The following CSNK1G2 variants were observed in gnomAD, a reference collection of about 807,000 sequenced individuals.
The protein encoded by CSNK1G2 is casein kinase I isoform gamma-2.
Under a neutral mutation model 48.0 loss-of-function variants are expected in CSNK1G2, and 11 were observed. That is an observed-to-expected ratio of 0.23 (90% CI 0.14 to 0.38). The LOEUF (loss-of-function observed/expected upper bound fraction) is 0.38. CSNK1G2 is among the 10% of genes least tolerant of loss of function. The pLI is 1.00. For synonymous variants in CSNK1G2, 337 were observed against 254.1 expected (o/e 1.33, Z -3.10); for missense variants, 446 against 595.5 (o/e 0.75, Z 2.61).
At position 1,957,459 on chromosome 19, in the gene CSNK1G2, G is replaced by A. The variant is rs990061937; in HGVS notation, c.-265-12049G>A. On this transcript the variant is annotated intron_variant, in intron 1 of 11. Coordinates refer to ENST00000255641, the MANE Select transcript of CSNK1G2 (RefSeq NM_001319.7). The surrounding 1 kb of genome is among the most constrained non-coding windows in gnomAD (Gnocchi z 5.4). ...AGAAGGGGGCTGCCCCGAGCGGCTT[G>A]GGTGGCCGGGCCTGTGGGAGACCTT... Among the ~76,000 whole-genome samples, 1 of 152,244 alleles carries A rather than the reference G, an allele frequency of 6.6e-6. No individual in the cohort carries two copies. The highest frequency in any genetic ancestry group is 2.4e-5 in the African/African-American group (1 of 41,456).
Position 1,978,865 on chromosome 19 carries a change from C to T in CSNK1G2, c.454C>T (p.Arg152Cys), listed in dbSNP as rs772189864. The T allele has an allele frequency of 3.1e-6, 5 of 1,602,106 alleles. No homozygotes were observed. The East Asian group carries it at 6.7e-5, about 21-fold the overall frequency. The change falls in exon 6 of 12, where the codon CGC becomes TGC. Residue 152 changes from arginine to cysteine, a missense_variant. Coordinates refer to ENST00000255641, the MANE Select transcript of CSNK1G2 (RefSeq NM_001319.7). The surrounding 1 kb of genome is among the most constrained non-coding windows in gnomAD (Gnocchi z 7.3). Reference sequence around the variant, plus strand: ...CCGCCGTGCCCCCCTGCAGATCACGCGCATGGAGTATGTGCACACCAAGAG... The same window carrying T: ...CCGCCGTGCCCCCCTGCAGATCACGTGCATGGAGTATGTGCACACCAAGAG... ...VLMIAIQLIT[R>C]MEYVHTKSLI...
In CSNK1G2 at chr19:1,969,952, C is replaced by A; in HGVS notation, c.180C>A (p.Leu60=). 7.6e-7 allele frequency: 1 copy of A among 1,307,928 alleles called. No individual in the cohort carries two copies. Among genetic ancestry groups the A allele is most frequent in the Non-Finnish European group, 9.8e-7 (1 of 1,021,922 alleles). The allele number at this position is 1,307,928 out of a possible 1,614,324, so 81.0% of individuals were successfully genotyped here. Residue 60 remains leucine, a synonymous_variant, in exon 2 of 12, where the codon CTC becomes CTA. Transcript: ENST00000255641. ...KKIGCGNFGE[L]RLGKNLYTNE... ...TCGGCTGCGGCAACTTCGGGGAGCTCCGCCTAGGTGAGGCCCTGCTCGGTG... is the reference window on the plus strand; with the variant it reads ...TCGGCTGCGGCAACTTCGGGGAGCTACGCCTAGGTGAGGCCCTGCTCGGTG...
intron 1 of CSNK1G2, chr19:1,953,826 C>T (rs751163167): frequency 3.8e-6 from 2 of 527,460 alleles, no homozygotes; most frequent in South Asian, 1.4e-5. Context: ...CACCTGTGGC[C>T]CTCCTGTGTT....
intron 1 of CSNK1G2, among the ~76,000 whole-genome samples, chr19:1,967,061 C>T (rs2145564216): frequency 6.8e-6 from 1 of 147,504 alleles, no homozygotes; most frequent in South Asian, 2.1e-4. Flanking sequence ...TTTGATTAGA[C>T]ACAACGCTAC....
At chr19:1,965,153 C>T (rs1408611580) in intron 1 of CSNK1G2, among the ~76,000 whole-genome samples, 3 of 148,758 alleles carry the variant, frequency 2.0e-5, no homozygotes, top group Non-Finnish European at 4.5e-5. Flanking sequence ...CCCAGCACTT[C>T]GGGAGGCCAA....
chr19:1,978,826 G>T lies in CSNK1G2; in HGVS notation c.448-33G>T, dbSNP rs767651270. 3 of 1,592,140 alleles carry T rather than the reference G, an allele frequency of 1.9e-6. No individual in the cohort carries two copies. Among genetic ancestry groups the T allele is most frequent in the Non-Finnish European group, 2.6e-6 (3 of 1,172,010 alleles). ...GGAGGGGAGCGCGTGGGACGGGGAGGGGCCCGGCCGACACCGCCGTGCCCC... is the reference window on the plus strand; with the variant it reads ...GGAGGGGAGCGCGTGGGACGGGGAGTGGCCCGGCCGACACCGCCGTGCCCC... On this transcript the variant is annotated intron_variant, in intron 5 of 11. Coordinates refer to ENST00000255641, the MANE Select transcript of CSNK1G2 (RefSeq NM_001319.7). The surrounding 1 kb of genome is among the most constrained non-coding windows in gnomAD (Gnocchi z 7.3).
intron 1 of CSNK1G2, among the ~76,000 whole-genome samples, chr19:1,956,521 A>G (rs2015004915): frequency 6.6e-6 from 1 of 152,120 alleles, no homozygotes; most frequent in African/African-American, 2.4e-5. Flanking sequence ...TGTCTCAAAA[A>G]ACAAAAGACC....
chr19:1,955,545 G>GGGTGA (rs1334187714), intron 1 of CSNK1G2, among the ~76,000 whole-genome samples: 3 of 151,240 alleles, frequency 2.0e-5, no homozygotes, highest in Non-Finnish European at 2.9e-5. Flanking sequence ...GCGTGTGCCT[G>GGGTGA]GGCGAGGCTC....
rs1279610328 is a variant in CSNK1G2 at position 1,941,215 on chromosome 19, G to A, written c.-469G>A. On this transcript the variant is annotated 5_prime_UTR_variant, in exon 1 of 12. Transcript: ENST00000255641. Reference sequence around the variant, plus strand: ...GCGCGCGGGCCCCGGAGCGGGCGCGGCGGAGCGCGGCGAGCCCGGCGCCTC... The same window carrying A: ...GCGCGCGGGCCCCGGAGCGGGCGCGACGGAGCGCGGCGAGCCCGGCGCCTC... 6.8e-6 allele frequency: 1 copy of A among 146,116 alleles called. No homozygotes were observed. Among genetic ancestry groups the A allele is most frequent in the African/African-American group, 2.5e-5 (1 of 40,764 alleles). 9.1% of individuals were successfully genotyped at this position (146,116 alleles called of 1,614,324 possible). A position where few individuals can be genotyped will look rare whatever the true frequency, so the allele number is the denominator to read the frequency against.
At chr19:1,945,497 C>T (rs1369282576) in intron 1 of CSNK1G2, among the ~76,000 whole-genome samples, 2 of 152,176 alleles carry the variant, frequency 1.3e-5, no homozygotes, top group South Asian at 2.1e-4. Context: ...CCGTGAGGCC[C>T]GAGACAGTTT....
At chr19:1,952,902 C>T (rs774689349) in intron 1 of CSNK1G2, 16 of 448,612 alleles carry the variant, frequency 3.6e-5, no homozygotes, top group Middle Eastern at 3.4e-4. Context: ...AGCTGGCAAC[C>T]GAGGTGACTG....
rs2015500542 is a variant in CSNK1G2 at position 1,969,784 on chromosome 19, C to G, written c.12C>G (p.Asp4Glu). The G allele has an allele frequency of 1.5e-6, 2 of 1,305,906 alleles. No individual in the cohort carries two copies. The highest frequency in any genetic ancestry group is 2.0e-6 in the Non-Finnish European group (2 of 1,018,960). 80.9% of individuals were successfully genotyped at this position (1,305,906 alleles called of 1,614,324 possible). A position where few individuals can be genotyped will look rare whatever the true frequency, so the allele number is the denominator to read the frequency against. Reference protein sequence around the residue: MDFDKKGGKGETEE... With the variant: MDFEKKGGKGETEE... ...GGTATCACAAACTTATGGATTTTGA[C>G]AAGAAAGGAGGGAAAGGGGAGACGG... The change falls in exon 2 of 12, where the codon GAC becomes GAG. Residue 4 changes from aspartate (D) to glutamate (E), a missense_variant. By Grantham distance (45) the Asp-to-Glu change is conservative. Transcript: ENST00000255641.
chr19:1,951,817 A>G lies in CSNK1G2; in HGVS notation c.-266+10399A>G, dbSNP rs1264246163. 2.7e-5 allele frequency among the ~76,000 whole-genome samples: 4 copies of G among 148,994 alleles called. No homozygotes were observed. The South Asian group carries it at 8.6e-4, about 32-fold the overall frequency. On this transcript the variant is annotated intron_variant, in intron 1 of 11. Transcript: ENST00000255641. ...TGCCTCAGCCTCCCGAGCAGCTGGG[A>G]CCACAGGCGCCCGCCACCACAGCTG...
chr19:1,975,958 C>T, intron 2 of CSNK1G2: 1 of 899,550 alleles, frequency 1.1e-6, no homozygotes, highest in South Asian at 1.4e-5. Context: ...TCGCTTGAAC[C>T]CAGGAGGCAG....
intron 2 of CSNK1G2, among the ~76,000 whole-genome samples, chr19:1,977,152 CCT>C (rs2015786683): frequency 6.6e-6 from 1 of 152,202 alleles, no homozygotes; most frequent in Non-Finnish European, 1.5e-5. Context: ...CACATGGTGC[CCT>C]GTCATGCCGC....
At chr19:1,972,838 G>A (rs530067644) in intron 2 of CSNK1G2, among the ~76,000 whole-genome samples, 2 of 151,786 alleles carry the variant, frequency 1.3e-5, no homozygotes, top group South Asian at 4.2e-4. Context: ...TGGCCAGGCT[G>A]GTCTTGAACT....
At chr19:1,971,498 C>T (rs1371701366) in intron 2 of CSNK1G2, among the ~76,000 whole-genome samples, 2 of 152,284 alleles carry the variant, frequency 1.3e-5, no homozygotes, top group Admixed American at 1.3e-4. Context: ...CGTGCAGACA[C>T]ATGCAGACAT....
rs868329905 is a variant in CSNK1G2, at chr19:1,957,817, C to A, written c.-265-11691C>A. ...TGGGGGGTATGTGCTCGGCGGGCGC[C>A]GTGTTTGTGGGGTGGGAGCTAGGCG... On this transcript the variant is annotated intron_variant, in intron 1 of 11. Coordinates refer to ENST00000255641, the MANE Select transcript of CSNK1G2 (RefSeq NM_001319.7). The surrounding 1 kb of genome is among the most constrained non-coding windows in gnomAD (Gnocchi z 5.4). 6.6e-6 allele frequency among the ~76,000 whole-genome samples: 1 copy of A among 150,708 alleles called. No individual in the cohort carries two copies. Among genetic ancestry groups the A allele is most frequent in the South Asian group, 2.1e-4 (1 of 4,738 alleles).
chr19:1,967,942 C>G (rs552677007), intron 1 of CSNK1G2, among the ~76,000 whole-genome samples: 1,593 of 21,162 alleles, frequency 0.075, 271 homozygotes, highest in African/African-American at 0.25. Context: ...AGGCTGCCCC[C>G]GACCACCCTT....
Sources: allele counts gnomAD v4.1 joint callset (sites outside exome capture counted in the v4.1 genomes callset), GRCh38; gene constraint gnomAD v4.1.1; non-coding constraint Gnocchi (gnomAD v3.1); transcripts MANE v1.5; gene names NCBI Gene and HGNC (gene_info 2026-07-23, HGNC 2026-07-21).